Variants in HSPA14 observed in about 807,000 individuals in gnomAD.
HSPA14 encodes the protein heat shock protein family A (Hsp70) member 14.
In HSPA14, 37 loss-of-function variants were observed where a neutral mutation model predicts 65.5. The ratio of observed to expected loss-of-function variants is 0.56; its 90% CI spans 0.43 to 0.74. The LOEUF (loss-of-function observed/expected upper bound fraction) is 0.74, where lower values mean the gene tolerates loss of function less well. HSPA14 is among the 30% of genes least tolerant of loss of function. The probability of loss-of-function intolerance (pLI) is 0.00; values close to 1 mark genes in which losing one functional copy is unlikely to be tolerated. For missense variants in HSPA14, 564 were observed against 607.6 expected (o/e 0.93, Z 0.75); for synonymous variants, 203 against 214.2 (o/e 0.95, Z 0.46).
intron 6 of HSPA14, among the ~76,000 whole-genome samples, chr10:14,850,283 A>G (rs1239189542): frequency 6.6e-6 from 1 of 151,972 alleles, no homozygotes; most frequent in Admixed American, 6.5e-5. Flanking sequence ...AAAAAAAAAA[A>G]GCCAAGAGAA....
Position 14,840,115 on chromosome 10 carries a change from T to C in HSPA14, c.179T>C (p.Ile60Thr), listed in dbSNP as rs893967656. 1 of 1,478,428 alleles carries C rather than the reference T, an allele frequency of 6.8e-7. No individual in the cohort carries two copies. The highest frequency in any genetic ancestry group is 9.1e-7 in the Non-Finnish European group (1 of 1,103,394). 91.6% of individuals were successfully genotyped at this position (1,478,428 alleles called of 1,614,324 possible). A position where few individuals can be genotyped will look rare whatever the true frequency, so the allele number is the denominator to read the frequency against. ...LAAKQSRIRN[I>T]SNTVMKVKQI... The stretch of plus-strand genomic sequence containing the variant: ...GCAAAACAAAGTAGAATAAGAAATA[T>C]TTCAAATACAGTAATGAAAGTAAAG... The change falls in exon 3 of 14, where the codon ATT becomes ACT. Residue 60 changes from isoleucine to threonine, a missense_variant. Transcript: ENST00000378372.
intron 10 of HSPA14, among the ~76,000 whole-genome samples, chr10:14,859,507 G>A (rs1200270421): frequency 1.3e-5 from 2 of 151,994 alleles, no homozygotes; most frequent in African/African-American, 4.8e-5. Context: ...TCCCTTTGTT[G>A]TCAGCTTAGT....
At chr10:14,850,850 A>G (rs956222373) in intron 6 of HSPA14, 3 of 158,254 alleles carry the variant, frequency 1.9e-5, no homozygotes, top group African/African-American at 7.2e-5. Flanking sequence ...TGAATGGGGA[A>G]GTTCTGGATA....
At chr10:14,852,272 T>G (rs1344084100) in intron 7 of HSPA14, 98 bp from the exon 8 acceptor site, 2 of 957,814 alleles carry the variant, frequency 2.1e-6, no homozygotes, top group African/African-American at 3.3e-5. Flanking sequence ...TTCTATTTCC[T>G]CATTTGTAAA....
At chr10:14,856,815 G>A (rs1216150293) in intron 10 of HSPA14, among the ~76,000 whole-genome samples, 3 of 152,014 alleles carry the variant, frequency 2.0e-5, no homozygotes, top group African/African-American at 7.3e-5. Flanking sequence ...GCCGTGATTC[G>A]TACCACTGCA....
intron 10 of HSPA14, among the ~76,000 whole-genome samples, chr10:14,863,408 T>C (rs1022278849): frequency 8.5e-5 from 13 of 152,178 alleles, no homozygotes; most frequent in Admixed American, 8.5e-4. Flanking sequence ...GATGAGGAGC[T>C]GTCAGTGGCC....
chr10:14,842,851 C>T lies in HSPA14; in HGVS notation c.221+2694C>T, dbSNP rs1233909115. Reference sequence around the variant, plus strand: ...GGGATGAATCCTCGGGTGCAGGTAACTCCCAAGCATGTGAAGGAGTTGGGT... The same window carrying T: ...GGGATGAATCCTCGGGTGCAGGTAATTCCCAAGCATGTGAAGGAGTTGGGT... On this transcript the variant is annotated intron_variant, in intron 3 of 13. Transcript: ENST00000378372. The surrounding 1 kb of genome is among the most constrained non-coding windows in gnomAD (Gnocchi z 5.2). 2.6e-6 allele frequency: 4 copies of T among 1,518,722 alleles called. No homozygotes were observed. In the East Asian group the frequency reaches 7.4e-5, roughly 28 times the overall value. 94.1% of individuals were successfully genotyped at this position (1,518,722 alleles called of 1,614,324 possible). A position where few individuals can be genotyped will look rare whatever the true frequency, so the allele number is the denominator to read the frequency against.
At chr10:14,847,257 C>T (rs560100141) in intron 3 of HSPA14, among the ~76,000 whole-genome samples, 16 of 152,124 alleles carry the variant, frequency 1.1e-4, no homozygotes, top group Non-Finnish European at 1.5e-4. Flanking sequence ...AACCTACGCA[C>T]AACAGTATAA....
At chr10:14,860,301 G>A (rs1832740578) in intron 10 of HSPA14, among the ~76,000 whole-genome samples, 1 of 152,142 alleles carries the variant, frequency 6.6e-6, no homozygotes, top group Admixed American at 6.5e-5. Flanking sequence ...TTCTACGCTA[G>A]GCAGATTCTA....
chr10:14,850,554 A>C (rs1834101009), intron 6 of HSPA14, among the ~76,000 whole-genome samples: 1 of 152,242 alleles, frequency 6.6e-6, no homozygotes, highest in South Asian at 2.1e-4. Flanking sequence ...TGCAGGATAG[A>C]GTTTCACACA....
intron 6 of HSPA14, 115 bp from the exon 7 acceptor site, chr10:14,851,104 T>C: frequency 1.5e-6 from 1 of 654,928 alleles, no homozygotes; most frequent in South Asian, 1.9e-5. Context: ...TTATACTTCA[T>C]GTTCTACTTA....
rs111471902 is a variant in HSPA14, at chr10:14,864,600, C to T, written c.994-2483C>T. On this transcript the variant is annotated intron_variant, in intron 10 of 13. Transcript: ENST00000378372. ...TGCGGTGTTTGGTTTTTTGTCCTTGCGATAGTTTGCTGAGAATGATGGTTT... is the reference window on the plus strand; with the variant it reads ...TGCGGTGTTTGGTTTTTTGTCCTTGTGATAGTTTGCTGAGAATGATGGTTT... Among the ~76,000 whole-genome samples the T allele has an allele frequency of 9.2e-3, 1,401 of 151,710 alleles. 19 individuals carry two copies. The highest frequency in any genetic ancestry group is 0.031 in the African/African-American group (1,280 of 41,348).
chr10:14,862,258 G>A (rs945456930), intron 10 of HSPA14, among the ~76,000 whole-genome samples: 9 of 151,622 alleles, frequency 5.9e-5, no homozygotes, highest in Non-Finnish European at 1.3e-4. Flanking sequence ...TCAATCTCCT[G>A]ACCTCGTGAT....
At chr10:14,853,804 C>T (rs1218973723) in intron 8 of HSPA14, among the ~76,000 whole-genome samples, 1 of 152,158 alleles carries the variant, frequency 6.6e-6, no homozygotes, top group Non-Finnish European at 1.5e-5. Context: ...ACTGCAATCT[C>T]CACCTCCCAG....
In HSPA14 at chr10:14,848,826, G is replaced by T; in HGVS notation, c.307G>T (p.Asp103Tyr). Residue 103 changes from aspartate to tyrosine, a missense_variant, in exon 5 of 14, where the codon GAT becomes TAT. By Grantham distance (160) the Asp-to-Tyr change is radical (BLOSUM62 -3). Coordinates refer to ENST00000378372, the MANE Select transcript of HSPA14 (RefSeq NM_016299.4). ...AAATGGGAAATTACGATATGAAATA[G>T]ATACTGGAGAAGAAACAAAATTTGT... ...EKNGKLRYEI[D>Y]TGEETKFVNP... The T allele has an allele frequency of 6.3e-7, 1 of 1,590,728 alleles. No homozygotes were observed. The highest frequency in any genetic ancestry group is 8.6e-7 in the Non-Finnish European group (1 of 1,162,988).
At chr10:14,843,526 A>G in intron 3 of HSPA14, 1 of 1,550,648 alleles carries the variant, frequency 6.4e-7, no homozygotes, top group Non-Finnish European at 8.7e-7. Flanking sequence ...GGTAGCCTCC[A>G]CACCGCAGAC....
At chr10:14,854,046 A>C in intron 8 of HSPA14, 79 bp from the exon 9 acceptor site, 1 of 1,317,826 alleles carries the variant, frequency 7.6e-7, no homozygotes, top group South Asian at 1.5e-5. Context: ...TTGTTTTAAT[A>C]AGGATTATCC....
At chr10:14,846,696 G>A in intron 3 of HSPA14, 1 of 968,876 alleles carries the variant, frequency 1.0e-6, no homozygotes, top group Non-Finnish European at 1.2e-6. Flanking sequence ...CAAAGGAACA[G>A]ATGAATGTAT....
chr10:14,848,406 T>C (rs1834080837), intron 3 of HSPA14, among the ~76,000 whole-genome samples: 1 of 152,248 alleles, frequency 6.6e-6, no homozygotes, highest in Non-Finnish European at 1.5e-5. Context: ...ATCAGTACTT[T>C]AGTAGAATTA....
Sources: gnomAD v4.1 joint callset for allele counts (sites outside exome capture counted in the v4.1 genomes callset) on GRCh38, gnomAD v4.1.1 for gene constraint, Gnocchi (gnomAD v3.1) non-coding constraint, MANE v1.5 for transcripts, NCBI Gene and HGNC (gene_info 2026-07-23, HGNC 2026-07-21) for gene names.